The following AHRR variants were observed in gnomAD, a reference collection of about 807,000 sequenced individuals.
AHRR encodes aryl hydrocarbon receptor repressor.
A neutral mutation model predicts 44.0 loss-of-function variants in AHRR; 28 were observed. The observed-to-expected ratio is 0.64, with a 90% CI of 0.47 to 0.87. The LOEUF is 0.87. AHRR is among the 40% of genes least tolerant of loss of function. The pLI is 0.00. For synonymous variants in AHRR, 434 were observed against 407.0 expected (o/e 1.07, Z -0.80); for missense variants, 990 against 953.9 (o/e 1.04, Z -0.50).
intron 4 of AHRR, among the ~76,000 whole-genome samples, chr5:382,370 A>C (rs1379888450): frequency 6.6e-6 from 1 of 152,144 alleles, no homozygotes; most frequent in Non-Finnish European, 1.5e-5. Context: ...TTCTTAGGTG[A>C]ATTGTACTAG....
intron 8 of AHRR, among the ~76,000 whole-genome samples, 170 bp downstream of exon 8, chr5:428,176 C>A (rs889600867): frequency 6.6e-6 from 1 of 152,240 alleles, no homozygotes; most frequent in Non-Finnish European, 1.5e-5. Flanking sequence ...TTAGATGAAA[C>A]AATGTTTTTC....
chr5:397,547 T>C (rs1487223735), intron 4 of AHRR, among the ~76,000 whole-genome samples: 1 of 50,026 alleles, frequency 2.0e-5, no homozygotes, highest in African/African-American at 8.3e-5. Context: ...TGACCGTCCA[T>C]GTTAGCCCCT....
At chr5:373,684 G>T (rs367669440) in intron 3 of AHRR, among the ~76,000 whole-genome samples, 1 of 151,726 alleles carries the variant, frequency 6.6e-6, no homozygotes, top group Non-Finnish European at 1.5e-5. Context: ...GGACCCTCAG[G>T]TGGGACCCCC....
intron 4 of AHRR, among the ~76,000 whole-genome samples, chr5:384,030 G>A (rs1326198063): frequency 6.6e-6 from 1 of 151,914 alleles, no homozygotes; most frequent in Admixed American, 6.6e-5. Context: ...TCTAATTGGT[G>A]TGTTTGGGTC....
chr5:434,550 C>T lies in AHRR; in HGVS notation c.1810C>T (p.Arg604Cys), dbSNP rs201956288. The change falls in exon 11 of 11, where the codon CGC becomes TGC. Residue 604 changes from arginine to cysteine, a missense_variant. Physicochemically the swap from Arg to Cys is radical, Grantham distance 180. Transcript: ENST00000684583. ...AQPHGRATAG[R>C]SRELTPFHPA... ...GCCCCATGGGAGGGCCACTGCTGGG[C>T]GCAGCAGGGAGCTGACCCCTTTCCA... The T allele has an allele frequency of 1.8e-4, 283 of 1,604,428 alleles. No homozygotes were observed. Among genetic ancestry groups the T allele is most frequent in the Admixed American group, 2.7e-4 (16 of 58,656 alleles).
At position 350,773 on chromosome 5, in the gene AHRR, A is replaced by G. The variant is rs1025261390; in HGVS notation, c.63-2957A>G. Among the ~76,000 whole-genome samples, 4 of 103,076 alleles carry G rather than the reference A, an allele frequency of 3.9e-5. No homozygotes were observed. The East Asian group carries it at 8.7e-4, about 22-fold the overall frequency. The allele number at this position is 103,076 out of a possible 152,430, so 67.6% of individuals were successfully genotyped here. A position where few individuals can be genotyped will look rare whatever the true frequency, so the allele number is the denominator to read the frequency against. ...TTCAGTAATTTTTGGTGGGTGCAAC[A>G]TTAAAAAAAAAAAAAAAAGAAGTGG... On this transcript the variant is annotated intron_variant, in intron 2 of 10. Transcript: ENST00000684583.
chr5:380,406 T>C (rs1376449007), intron 4 of AHRR, among the ~76,000 whole-genome samples: 3 of 152,230 alleles, frequency 2.0e-5, no homozygotes, highest in South Asian at 4.1e-4. Context: ...GACATATCAG[T>C]AAATCAATTT....
rs914940673 is a variant in AHRR, at chr5:395,646, G to C, written c.352-17698G>C. On this transcript the variant is annotated intron_variant, in intron 4 of 10. Coordinates refer to ENST00000684583, the MANE Select transcript of AHRR (RefSeq NM_001377236.1). This position sits in a 1 kb window ranked among gnomAD's most constrained non-coding sequence, Gnocchi z 5.3. Reference sequence around the variant, plus strand: ...CCGCTCGGCAGACGGTCATCGGGCCGCGCTGCTGCTCTGGTGTGGTTTCTG... The same window carrying C: ...CCGCTCGGCAGACGGTCATCGGGCCCCGCTGCTGCTCTGGTGTGGTTTCTG... Among the ~76,000 whole-genome samples the C allele has an allele frequency of 1.3e-5, 2 of 152,244 alleles. No homozygotes were observed. Among genetic ancestry groups the C allele is most frequent in the African/African-American group, 4.8e-5 (2 of 41,458 alleles).
chr5:326,920 G>A lies in AHRR; in HGVS notation c.-11+5101G>A, dbSNP rs1359394607. Among the ~76,000 whole-genome samples, 6 of 152,188 alleles carry A rather than the reference G, an allele frequency of 3.9e-5. No individual in the cohort carries two copies. The highest frequency in any genetic ancestry group is 3.4e-3 in the Middle Eastern group (1 of 294). On this transcript the variant is annotated intron_variant, in intron 1 of 10. Coordinates refer to ENST00000684583, the MANE Select transcript of AHRR (RefSeq NM_001377236.1). The surrounding 1 kb of genome is among the most constrained non-coding windows in gnomAD (Gnocchi z 4.1). The stretch of plus-strand genomic sequence containing the variant: ...CCAAAAATACAAAAATTAGCCAGGC[G>A]TGGTGGCACGCGCCTGTAGTCCCAG...
chr5:423,083 T>G (rs1010102718), intron 6 of AHRR, among the ~76,000 whole-genome samples: 1 of 152,154 alleles, frequency 6.6e-6, no homozygotes, highest in Non-Finnish European at 1.5e-5. Context: ...TCACTCCTGG[T>G]TGCTTTCCTG....
At position 353,722 on chromosome 5, in the gene AHRR, C is replaced by T. The variant is rs200498425; in HGVS notation, c.63-8C>T. 81 of 1,602,882 alleles carry T rather than the reference C, an allele frequency of 5.1e-5. No individual in the cohort carries two copies. Among genetic ancestry groups the T allele is most frequent in the Non-Finnish European group, 6.5e-5 (76 of 1,176,782 alleles). ...GAAGCCCACCTGACCCAGACCATCT[C>T]CCCACAGGAGGCCCGCCGTGGGGGC... On this transcript the variant is annotated splice_region_variant and splice_polypyrimidine_tract_variant and intron_variant, in intron 2 of 10. Transcript: ENST00000684583.
Position 373,004 on chromosome 5 carries a change from C to T in AHRR, c.245-3606C>T, listed in dbSNP as rs567822072. 5.9e-5 allele frequency among the ~76,000 whole-genome samples: 9 copies of T among 152,354 alleles called. No individual in the cohort carries two copies. The South Asian group carries it at 1.0e-3, about 18-fold the overall frequency. On this transcript the variant is annotated intron_variant, in intron 3 of 10. Coordinates refer to ENST00000684583, the MANE Select transcript of AHRR (RefSeq NM_001377236.1). ...CCCTTGCTGTGGGCACAGGGTCGCC[C>T]GAGGCCTTGGTGCTGACTTCACATT...
At chr5:392,959 C>T (rs1403701784) in intron 4 of AHRR, among the ~76,000 whole-genome samples, 1 of 152,108 alleles carries the variant, frequency 6.6e-6, no homozygotes, top group East Asian at 1.9e-4. Context: ...ACACCAAGCG[C>T]CGTCTTTCAC....
At chr5:392,381 G>A (rs1339861856) in intron 4 of AHRR, among the ~76,000 whole-genome samples, 4 of 130,840 alleles carry the variant, frequency 3.1e-5, no homozygotes, top group African/African-American at 8.7e-5. Context: ...GGCGCAGGGC[G>A]AGGAGGGCGC....
At position 327,428 on chromosome 5, in the gene AHRR, G is replaced by A. The variant is rs560886009; in HGVS notation, c.-11+5609G>A. On this transcript the variant is annotated intron_variant, in intron 1 of 10. Coordinates refer to ENST00000684583, the MANE Select transcript of AHRR (RefSeq NM_001377236.1). ...TGTCATCCATCATTCCACTCACTAC[G>A]TCCGTGTGTATACAAATTCAGCACC... Among the ~76,000 whole-genome samples the A allele has an allele frequency of 1.2e-3, 179 of 152,164 alleles. No individual in the cohort carries two copies. In the Middle Eastern group the frequency reaches 0.014, roughly 12 times the overall value.
intron 2 of AHRR, among the ~76,000 whole-genome samples, chr5:348,856 C>T (rs1010543052): frequency 3.9e-5 from 6 of 152,230 alleles, no homozygotes; most frequent in Non-Finnish European, 8.8e-5. Flanking sequence ...AATACTTAGG[C>T]ATGCAGTTGC....
intron 3 of AHRR, among the ~76,000 whole-genome samples, chr5:367,469 G>A (rs1293201026): frequency 1.3e-5 from 2 of 152,252 alleles, no homozygotes; most frequent in Non-Finnish European, 2.9e-5. Context: ...CTGAGCTGCA[G>A]TGCGTGGTCA....
At chr5:402,605 T>A (rs1021352043) in intron 4 of AHRR, among the ~76,000 whole-genome samples, 1 of 152,118 alleles carries the variant, frequency 6.6e-6, no homozygotes, top group Non-Finnish European at 1.5e-5. Context: ...GAAGGCTACA[T>A]GGAGCTTCCT....
At chr5:336,222 C>T (rs1014027245) in intron 1 of AHRR, among the ~76,000 whole-genome samples, 2 of 152,156 alleles carry the variant, frequency 1.3e-5, no homozygotes, top group Non-Finnish European at 2.9e-5. Context: ...AAGTGGACTG[C>T]GGGAAGACCC....
Sources: allele counts gnomAD v4.1 joint callset (sites outside exome capture counted in the v4.1 genomes callset), GRCh38; gene constraint gnomAD v4.1.1; non-coding constraint Gnocchi (gnomAD v3.1); transcripts MANE v1.5; gene names NCBI Gene and HGNC (gene_info 2026-07-23, HGNC 2026-07-21).